The following CCDC73 variants were observed in gnomAD, a reference collection of about 807,000 sequenced individuals.
CCDC73 encodes the protein coiled-coil domain containing 73.
Under a neutral mutation model 116.5 loss-of-function variants are expected in CCDC73, and 95 were observed. The ratio of observed to expected loss-of-function variants is 0.82; its 90% CI spans 0.69 to 0.97. The LOEUF is 0.97. Ranked by LOEUF, CCDC73 falls within the 50% of genes least tolerant of loss-of-function variation. The probability of loss-of-function intolerance (pLI) is 0.00; values close to 1 mark genes in which losing one functional copy is unlikely to be tolerated. For missense variants in CCDC73, 1,066 were observed against 1,206.8 expected, an observed-to-expected ratio of 0.88 and a Z score of 1.73; for synonymous variants, 398 against 401.3, an observed-to-expected ratio of 0.99 and a Z score of 0.10.
chr11:32,644,255 G>C (rs1490118692), intron 12 of CCDC73, among the ~76,000 whole-genome samples: 1 of 152,134 alleles, frequency 6.6e-6, no homozygotes. Flanking sequence ...AATACCACAT[G>C]TTCTCACTTA....
At chr11:32,782,593 T>A (rs1000945407) in intron 1 of CCDC73, among the ~76,000 whole-genome samples, 4 of 152,172 alleles carry the variant, frequency 2.6e-5, no homozygotes, top group Admixed American at 2.6e-4. Context: ...GTGTCTAATT[T>A]AAAAGACAAA....
At chr11:32,734,336 A>G (rs1850107032) in intron 2 of CCDC73, among the ~76,000 whole-genome samples, 1 of 152,178 alleles carries the variant, frequency 6.6e-6, no homozygotes, top group South Asian at 2.1e-4. Flanking sequence ...GAATTCTACC[A>G]GAGGTACAAA....
intron 1 of CCDC73, among the ~76,000 whole-genome samples, chr11:32,788,656 G>T (rs1328510670): frequency 6.6e-6 from 1 of 151,552 alleles, no homozygotes; most frequent in Non-Finnish European, 1.5e-5. Flanking sequence ...TGTATTTTTT[G>T]TAGGGATGGG....
chr11:32,691,163 G>A (rs1189886977), intron 6 of CCDC73, among the ~76,000 whole-genome samples: 1 of 151,438 alleles, frequency 6.6e-6, no homozygotes, highest in African/African-American at 2.4e-5. Flanking sequence ...TCCTGCCTCA[G>A]CCTCCCAAGT....
intron 9 of CCDC73, among the ~76,000 whole-genome samples, chr11:32,664,920 G>A (rs1329478188): frequency 3.4e-4 from 52 of 152,196 alleles, no homozygotes. Flanking sequence ...TATGTACCCA[G>A]TAGTCATTCA....
chr11:32,635,105 G>A (rs1274167426), intron 14 of CCDC73, among the ~76,000 whole-genome samples: 1 of 152,132 alleles, frequency 6.6e-6, no homozygotes, highest in African/African-American at 2.4e-5. Context: ...AAACATTTCT[G>A]AGAGACATTT....
chr11:32,731,247 G>C (rs953757664), intron 2 of CCDC73, among the ~76,000 whole-genome samples: 3 of 152,324 alleles, frequency 2.0e-5, no homozygotes, highest in African/African-American at 7.2e-5. Flanking sequence ...CCACTGCTGA[G>C]GCTTGAGTAG....
In CCDC73 at chr11:32,755,038, T is replaced by C. The variant is rs538280714; in HGVS notation, c.135+5071A>G. The stretch of plus-strand genomic sequence containing the variant: ...ACGTAGCTGGGATTACAGGCATCCA[T>C]CACCATGCCCAGCTAATTTTTGTAT... On this transcript the variant is annotated intron_variant, in intron 2 of 17. Transcript: ENST00000335185. Among the ~76,000 whole-genome samples, 139 of 150,176 alleles carry C rather than the reference T, an allele frequency of 9.3e-4. No individual in the cohort carries two copies. The Middle Eastern group carries it at 0.014, about 15-fold the overall frequency.
At chr11:32,778,725 T>C (rs569845696) in intron 1 of CCDC73, among the ~76,000 whole-genome samples, 1 of 151,992 alleles carries the variant, frequency 6.6e-6, no homozygotes, top group Admixed American at 6.6e-5. Context: ...GGCAGGAGAA[T>C]TGCTTGAACC....
the CCDC73 span, among the ~76,000 whole-genome samples, chr11:32,816,514 A>C: frequency 6.6e-6 from 1 of 152,212 alleles, no homozygotes; most frequent in Non-Finnish European, 1.5e-5. Context: ...TGTTCAGGAT[A>C]GACTCTGATG....
chr11:32,821,762 A>C, the CCDC73 span, among the ~76,000 whole-genome samples: 3 of 152,188 alleles, frequency 2.0e-5, no homozygotes, highest in African/African-American at 7.2e-5. Context: ...AGAAACCAGA[A>C]ACCCCAGTTG....
At chr11:32,778,077 A>C (rs1015903180) in intron 1 of CCDC73, among the ~76,000 whole-genome samples, 2 of 152,220 alleles carry the variant, frequency 1.3e-5, no homozygotes, top group African/African-American at 4.8e-5. Flanking sequence ...GTATCTGCTT[A>C]ATAATAAAAA....
chr11:32,664,390 C>T (rs114089001), intron 9 of CCDC73, among the ~76,000 whole-genome samples: 1 of 152,270 alleles, frequency 6.6e-6, no homozygotes, highest in East Asian at 1.9e-4. Context: ...GATTCAACTT[C>T]TTTGTCGTTT....
the CCDC73 span, among the ~76,000 whole-genome samples, chr11:32,825,564 AG>A: frequency 6.6e-6 from 1 of 152,150 alleles, no homozygotes; most frequent in African/African-American, 2.4e-5. Context: ...AGCCTCCCAA[AG>A]TGCTGGGATT....
At chr11:32,824,670 T>C in the CCDC73 span, among the ~76,000 whole-genome samples, 1 of 152,226 alleles carries the variant, frequency 6.6e-6, no homozygotes, top group African/African-American at 2.4e-5. Context: ...TCCTTGGCTC[T>C]CAAGGGACTG....
At chr11:32,744,107 T>C (rs1565091029) in intron 2 of CCDC73, among the ~76,000 whole-genome samples, 1 of 152,138 alleles carries the variant, frequency 6.6e-6, no homozygotes, top group Non-Finnish European at 1.5e-5. Context: ...ATTAAGAGTG[T>C]TTAGCATGAA....
chr11:32,742,460 A>C (rs1850196931), intron 2 of CCDC73, among the ~76,000 whole-genome samples: 1 of 152,222 alleles, frequency 6.6e-6, no homozygotes. Flanking sequence ...TCTTCTTTTG[A>C]GAAGTGTCTG....
At chr11:32,679,218 T>A (rs1370183860) in intron 7 of CCDC73, among the ~76,000 whole-genome samples, 1 of 152,136 alleles carries the variant, frequency 6.6e-6, no homozygotes, top group Non-Finnish European at 1.5e-5. Flanking sequence ...TGGTGAGCAA[T>A]AATGAACCAT....
At chr11:32,779,347 T>C (rs140213953) in intron 1 of CCDC73, among the ~76,000 whole-genome samples, 45 of 151,384 alleles carry the variant, frequency 3.0e-4, no homozygotes, top group Non-Finnish European at 2.9e-4. Flanking sequence ...GTTTCAAATA[T>C]AGAAAACACA....
Sources: gnomAD v4.1 joint callset for allele counts (sites outside exome capture counted in the v4.1 genomes callset) on GRCh38, gnomAD v4.1.1 for gene constraint, MANE v1.5 for transcripts, NCBI Gene and HGNC (gene_info 2026-07-23, HGNC 2026-07-21) for gene names.